MAGI2: variants seen among roughly 807,000 people sequenced by gnomAD.
MAGI2 encodes the protein membrane-associated guanylate kinase, WW and PDZ domain-containing protein 2.
In MAGI2, 35 loss-of-function variants were observed where a neutral mutation model predicts 133.3. The observed-to-expected ratio is 0.26, with a 90% CI of 0.20 to 0.35. The LOEUF (loss-of-function observed/expected upper bound fraction) is 0.35. Ranked by LOEUF, MAGI2 falls within the 10% of genes least tolerant of loss-of-function variation. The pLI is 1.00. For missense variants in MAGI2, 1,636 were observed against 1,863.4 expected (o/e 0.88, Z 2.25); for synonymous variants, 729 against 710.6 (o/e 1.03, Z -0.41).
intron 7 of MAGI2, among the ~76,000 whole-genome samples, chr7:78,362,009 A>G (rs537995487): frequency 1.3e-5 from 2 of 152,182 alleles, no homozygotes; most frequent in South Asian, 4.2e-4. Flanking sequence ...TGGTATAAAA[A>G]CATTTGAGGG....
chr7:78,241,139 T>A (rs960869333), intron 10 of MAGI2, among the ~76,000 whole-genome samples: 5 of 152,038 alleles, frequency 3.3e-5, no homozygotes, highest in African/African-American at 1.2e-4. Flanking sequence ...TAGCCCTAAG[T>A]AAATACTTAT....
chr7:78,323,076 T>G (rs1194778794), intron 9 of MAGI2, among the ~76,000 whole-genome samples: 12 of 104,584 alleles, frequency 1.1e-4, no homozygotes, highest in African/African-American at 6.7e-4. Flanking sequence ...AAAAAAAAGG[T>G]AAAATTACCA....
chr7:78,708,586 C>T (rs1263926307), intron 2 of MAGI2, among the ~76,000 whole-genome samples: 3 of 152,048 alleles, frequency 2.0e-5, no homozygotes, highest in African/African-American at 7.2e-5. Flanking sequence ...CATATAGTCC[C>T]CTTGGGACTT....
chr7:79,221,425 C>T (rs764378635), intron 1 of MAGI2, among the ~76,000 whole-genome samples: 1 of 151,960 alleles, frequency 6.6e-6, no homozygotes, highest in Non-Finnish European at 1.5e-5. Flanking sequence ...AAACCAGAGA[C>T]AGGGTGCGGT....
intron 1 of MAGI2, among the ~76,000 whole-genome samples, chr7:79,020,284 A>T (rs924677161): frequency 1.3e-5 from 2 of 152,222 alleles, no homozygotes; most frequent in Admixed American, 1.3e-4. Flanking sequence ...AGCATTCAAC[A>T]TGTGACTTTG....
chr7:78,410,128 T>C (rs1583961915), intron 6 of MAGI2, among the ~76,000 whole-genome samples: 2 of 152,020 alleles, frequency 1.3e-5, no homozygotes, highest in Admixed American at 1.3e-4. Flanking sequence ...CACTTTGTGC[T>C]CTCACATCAT....
intron 2 of MAGI2, among the ~76,000 whole-genome samples, chr7:78,920,900 T>C (rs574642850): frequency 2.6e-5 from 4 of 152,332 alleles, no homozygotes; most frequent in East Asian, 1.9e-4. Flanking sequence ...ATTGTTTTTA[T>C]ACAAGACTTA....
intron 2 of MAGI2, among the ~76,000 whole-genome samples, chr7:78,966,669 C>T (rs1473642431): frequency 6.6e-6 from 1 of 151,982 alleles, no homozygotes; most frequent in Non-Finnish European, 1.5e-5. Context: ...ATTTTGATTT[C>T]AATTCTTTTG....
At chr7:79,389,964 C>A (rs1166772942) in intron 1 of MAGI2, among the ~76,000 whole-genome samples, 2 of 152,066 alleles carry the variant, frequency 1.3e-5, no homozygotes, top group African/African-American at 2.4e-5. Context: ...TATATGGGTG[C>A]TTTTTAAGTA....
chr7:79,437,556 TACAA>T (rs966612062), intron 1 of MAGI2, among the ~76,000 whole-genome samples: 2 of 152,064 alleles, frequency 1.3e-5, no homozygotes, highest in African/African-American at 4.8e-5. Flanking sequence ...AGTAACTCAT[TACAA>T]ACATAGTACT....
intron 1 of MAGI2, among the ~76,000 whole-genome samples, chr7:79,321,202 C>A (rs1839154969): frequency 6.6e-6 from 1 of 152,126 alleles, no homozygotes. Flanking sequence ...AATAGATTTA[C>A]AATTTAACAG....
intron 1 of MAGI2, among the ~76,000 whole-genome samples, chr7:79,164,610 C>T (rs1423953213): frequency 2.6e-5 from 4 of 152,016 alleles, no homozygotes; most frequent in Admixed American, 2.6e-4. Context: ...TTACCCTGAA[C>T]ATTTCCTTTT....
chr7:78,481,831 A>T (rs1347535280), intron 6 of MAGI2, among the ~76,000 whole-genome samples: 1 of 151,944 alleles, frequency 6.6e-6, no homozygotes. Flanking sequence ...CATGAAAAAA[A>T]ATTGGGACCT....
chr7:78,671,688 A>T (rs1243671373), intron 2 of MAGI2, among the ~76,000 whole-genome samples: 1 of 152,158 alleles, frequency 6.6e-6, no homozygotes, highest in Non-Finnish European at 1.5e-5. Context: ...ATTCTACAGG[A>T]AATGTAAACA....
intron 1 of MAGI2, among the ~76,000 whole-genome samples, chr7:79,059,145 A>G (rs73703618): frequency 0.044 from 6,673 of 152,146 alleles, 479 homozygotes; most frequent in African/African-American, 0.15. Context: ...ATTATTTTAT[A>G]TTACAAATAA....
chr7:78,295,073 T>C (rs1171851351), intron 9 of MAGI2, among the ~76,000 whole-genome samples: 3 of 152,188 alleles, frequency 2.0e-5, no homozygotes, highest in Non-Finnish European at 1.5e-5. Context: ...TTACCTTGTC[T>C]TTGTACCTAT....
At chr7:78,988,201 T>G (rs1416750718) in intron 2 of MAGI2, among the ~76,000 whole-genome samples, 1 of 152,050 alleles carries the variant, frequency 6.6e-6, no homozygotes, top group South Asian at 2.1e-4. Flanking sequence ...TTTACATCCA[T>G]GTCCAGAACT....
chr7:79,184,358 A>G (rs1042386636), intron 1 of MAGI2, among the ~76,000 whole-genome samples: 1 of 151,522 alleles, frequency 6.6e-6, no homozygotes, highest in Admixed American at 6.6e-5. Flanking sequence ...AGAAATCACC[A>G]TTAAAGAACT....
intron 9 of MAGI2, among the ~76,000 whole-genome samples, chr7:78,272,478 C>T (rs929661853): frequency 1.3e-5 from 2 of 152,120 alleles, no homozygotes; most frequent in African/African-American, 4.8e-5. Context: ...GAGCTGAGTT[C>T]AAGTCCTGGA....
Sources: gnomAD v4.1 joint callset for allele counts (sites outside exome capture counted in the v4.1 genomes callset) on GRCh38, gnomAD v4.1.1 for gene constraint, MANE v1.5 for transcripts, NCBI Gene and HGNC (gene_info 2026-07-23, HGNC 2026-07-21) for gene names.